PCDHA5: variants seen among roughly 807,000 people sequenced by gnomAD.
The protein encoded by PCDHA5 is protocadherin alpha 5.
Under a neutral mutation model 61.6 loss-of-function variants are expected in PCDHA5, and 43 were observed. The observed-to-expected ratio is 0.70, with a 90% confidence interval of 0.55 to 0.90. PCDHA5 has a LOEUF of 0.90. PCDHA5 is among the 40% of genes least tolerant of loss of function. The pLI is 0.00. For synonymous variants in PCDHA5, 627 were observed against 543.9 expected (o/e 1.15, Z -2.13); for missense variants, 1,298 against 1,222.7 (o/e 1.06, Z -0.92).
At chr5:140,869,551 TCG>T in intron 1 of PCDHA5, 1 of 1,614,218 alleles carries the variant, frequency 6.2e-7, no homozygotes, top group Non-Finnish European at 8.5e-7. Context: ...GCAATCGGAC[TCG>T]CGTTTTCCAC....
At chr5:140,824,610 G>GTTTTTTTTTTTTTTTTTTTTTTTTTT (rs782443702) in intron 1 of PCDHA5, 1 of 95,104 alleles carries the variant, frequency 1.1e-5, no homozygotes, top group African/African-American at 4.9e-5. Flanking sequence ...GCTAATTAAA[G>GTTTTTTTTTTTTTTTTTTTTTTTTTT]TTTTTTTTTT....
intron 1 of PCDHA5, among the ~76,000 whole-genome samples, chr5:140,840,300 T>A (rs2150305530): frequency 6.6e-6 from 1 of 152,132 alleles, no homozygotes. Flanking sequence ...TGATTAGATA[T>A]TCTTTTAACT....
At chr5:140,837,632 C>CTTT (rs1562365662) in intron 1 of PCDHA5, among the ~76,000 whole-genome samples, 8 of 151,106 alleles carry the variant, frequency 5.3e-5, no homozygotes, top group Admixed American at 1.3e-4. Context: ...TTCCTTCCTT[C>CTTT]CTTTCTTTCT....
chr5:140,822,352 C>G lies in PCDHA5; in HGVS notation c.577C>G (p.Leu193Val). Residue 193 changes from leucine to valine, a missense_variant, in exon 1 of 4, where the codon CTG becomes GTG. By Grantham distance (32) the Leu-to-Val change is conservative (BLOSUM62 1). Transcript: ENST00000529859. ...TNEEETNFLE[L>V]VLRKSLDREE... ...TGAAGAAGAAACGAACTTTTTAGAGCTGGTTTTGAGGAAATCCTTAGATAG... is the reference window on the plus strand; with the variant it reads ...TGAAGAAGAAACGAACTTTTTAGAGGTGGTTTTGAGGAAATCCTTAGATAG... 6.2e-7 allele frequency: 1 copy of G among 1,614,074 alleles called. No homozygotes were observed. Among genetic ancestry groups the G allele is most frequent in the South Asian group, 1.1e-5 (1 of 91,086 alleles).
intron 1 of PCDHA5, among the ~76,000 whole-genome samples, chr5:140,922,508 C>A (rs2080871857): frequency 6.6e-6 from 1 of 152,090 alleles, no homozygotes; most frequent in African/African-American, 2.4e-5. Flanking sequence ...GCAGATGCAC[C>A]ATTATTTCAA....
At chr5:140,967,783 C>T (rs1554229939) in intron 1 of PCDHA5, 1 of 1,614,186 alleles carries the variant, frequency 6.2e-7, no homozygotes, top group Admixed American at 1.7e-5. Flanking sequence ...AGGCGACTGA[C>T]CGGGGTCCAG....
At chr5:140,830,040 T>A (rs2150180125) in intron 1 of PCDHA5, 1 of 1,613,784 alleles carries the variant, frequency 6.2e-7, no homozygotes, top group South Asian at 1.1e-5. Context: ...CTGCTGGTGC[T>A]GGTGAAAGAC....
chr5:140,893,862 C>T (rs1376548113), intron 1 of PCDHA5, among the ~76,000 whole-genome samples: 1 of 152,158 alleles, frequency 6.6e-6, no homozygotes, highest in East Asian at 1.9e-4. Flanking sequence ...TGTATAGAAA[C>T]AACCCAGATC....
rs113124123 is a variant in PCDHA5 at position 140,823,491 on chromosome 5, C to G, written c.1716C>G (p.Thr572=). Residue 572 remains threonine, a synonymous_variant, in exon 1 of 4, where the codon ACC becomes ACG. Coordinates refer to ENST00000529859, the MANE Select transcript of PCDHA5 (RefSeq NM_018908.3). ...PALLVPRVGG[T]GGAVSELVPR... ...TGCTGGTGCCTCGAGTGGGTGGCAC[C>G]GGCGGCGCAGTGAGCGAGCTGGTGC... is the stretch of plus-strand genomic sequence containing the variant. 2.2e-3 allele frequency: 3,506 copies of G among 1,613,202 alleles called. 74 individuals carry two copies. The African/African-American group carries it at 0.041, about 19-fold the overall frequency.
chr5:140,857,428 G>A lies in PCDHA5; in HGVS notation c.2352+33301G>A, dbSNP rs782142394. On this transcript the variant is annotated intron_variant, in intron 1 of 3. Coordinates refer to ENST00000529859, the MANE Select transcript of PCDHA5 (RefSeq NM_018908.3). ...CTGCGTTCGCGCAGTCCGAGTACACGGTGTTCGTGAAGGAGAACAACCCGC... is the reference window on the plus strand; with the variant it reads ...CTGCGTTCGCGCAGTCCGAGTACACAGTGTTCGTGAAGGAGAACAACCCGC... The A allele has an allele frequency of 3.8e-6, 6 of 1,598,456 alleles. 1 individual carries two copies. Among genetic ancestry groups the A allele is most frequent in the Non-Finnish European group, 5.1e-6 (6 of 1,167,860 alleles).
intron 3 of PCDHA5, among the ~76,000 whole-genome samples, chr5:141,008,567 T>C (rs1171779674): frequency 1.3e-5 from 2 of 152,182 alleles, no homozygotes; most frequent in African/African-American, 4.8e-5. Flanking sequence ...TGCATAATCA[T>C]TTTCCCAAGA....
chr5:140,871,309 C>G (rs1554165416), intron 1 of PCDHA5: 1 of 1,614,028 alleles, frequency 6.2e-7, no homozygotes. Flanking sequence ...GCCGGGGAAG[C>G]CCACGCTGGT....
chr5:140,824,610 G>GTTTGTTTTT (rs1768197195), intron 1 of PCDHA5: 1 of 95,104 alleles, frequency 1.1e-5, no homozygotes, highest in Non-Finnish European at 1.9e-5. Context: ...GCTAATTAAA[G>GTTTGTTTTT]TTTTTTTTTT....
chr5:140,915,306 A>G (rs999638953), intron 1 of PCDHA5, among the ~76,000 whole-genome samples: 1 of 152,136 alleles, frequency 6.6e-6, no homozygotes, highest in Non-Finnish European at 1.5e-5. Context: ...ATAAGTTTAC[A>G]TACCACAATT....
chr5:140,902,976 G>T (rs2069915302), intron 1 of PCDHA5, among the ~76,000 whole-genome samples: 1 of 152,140 alleles, frequency 6.6e-6, no homozygotes, highest in African/African-American at 2.4e-5. Flanking sequence ...GGGCATTTAG[G>T]TTGGTTCCAT....
Position 140,877,109 on chromosome 5 carries a change from G to A in PCDHA5, c.2352+52982G>A, listed in dbSNP as rs370191624. ...CGCGACGCCGGCGTGCCGCCTCTGG[G>A]CAGCAACGTGACGCTGCAGGTGTTC... is the stretch of plus-strand genomic sequence containing the variant. On this transcript the variant is annotated intron_variant, in intron 1 of 3. Transcript: ENST00000529859. The A allele has an allele frequency of 9.3e-6, 15 of 1,613,472 alleles. No individual in the cohort carries two copies. In the African/African-American group the frequency reaches 1.9e-4, roughly 20 times the overall value.
At position 140,822,568 on chromosome 5, in the gene PCDHA5, G is replaced by A. The variant is rs2150117347; in HGVS notation, c.793G>A (p.Ala265Thr). ...PSGTLVIKLN[A>T]SDADEGINKE... ...TGGGACATTAGTTATTAAACTGAAC[G>A]CCTCAGATGCAGATGAGGGCATCAA... Residue 265 changes from alanine to threonine, a missense_variant, in exon 1 of 4, where the codon GCC becomes ACC. Coordinates refer to ENST00000529859, the MANE Select transcript of PCDHA5 (RefSeq NM_018908.3). The A allele has an allele frequency of 1.2e-6, 2 of 1,612,652 alleles. No individual in the cohort carries two copies.
rs148181752 is a variant in PCDHA5, at chr5:140,966,860, TTGCTGC to T, written c.2353-12081_2353-12076del. 7,760 of 1,577,476 alleles carry T rather than the reference TTGCTGC, an allele frequency of 4.9e-3. 268 individuals are homozygous for T. The African/African-American group carries it at 0.086, about 18-fold the overall frequency. ...GCTGCTACTGCCTCTCCTGCTGCTG[TTGCTGC>T]TGCTGCTACCTGGCCCTGCGGCCTC... On this transcript the variant is annotated intron_variant, in intron 1 of 3. Coordinates refer to ENST00000529859, the MANE Select transcript of PCDHA5 (RefSeq NM_018908.3).
chr5:140,932,637 T>G (rs1554209011), intron 1 of PCDHA5, among the ~76,000 whole-genome samples: 2 of 151,870 alleles, frequency 1.3e-5, no homozygotes, highest in Non-Finnish European at 3.0e-5. Flanking sequence ...TAAAAAACTT[T>G]AGAATGATGA....
Sources: gnomAD v4.1 joint callset for allele counts (sites outside exome capture counted in the v4.1 genomes callset) on GRCh38, gnomAD v4.1.1 for gene constraint, MANE v1.5 for transcripts, NCBI Gene and HGNC (gene_info 2026-07-23, HGNC 2026-07-21) for gene names.